ARID5B: variants seen among roughly 807,000 people sequenced by gnomAD.
ARID5B encodes AT-rich interactive domain-containing protein 5B.
Under a neutral mutation model 97.2 loss-of-function variants are expected in ARID5B, and 13 were observed. That is an observed-to-expected ratio of 0.13 (90% confidence interval 0.09 to 0.21). The LOEUF is 0.21. Among genes scored for constraint, ARID5B ranks in the 10% least tolerant of loss-of-function variants. The pLI is 1.00. For synonymous variants in ARID5B, 556 were observed against 570.3 expected (o/e 0.97, Z 0.36); for missense variants, 1,210 against 1,465.3 (o/e 0.83, Z 2.84).
At chr10:62,038,507 T>A (rs1589269229) in intron 4 of ARID5B, among the ~76,000 whole-genome samples, 1 of 152,236 alleles carries the variant, frequency 6.6e-6, no homozygotes, top group Non-Finnish European at 1.5e-5. Context: ...GCTTTTAAAA[T>A]GTGAGCATGA....
At chr10:61,913,796 G>A (rs1843849886) in intron 2 of ARID5B, among the ~76,000 whole-genome samples, 1 of 152,182 alleles carries the variant, frequency 6.6e-6, no homozygotes. Context: ...TTTTTGCCCA[G>A]GCTGGAGTAC....
intron 7 of ARID5B, among the ~76,000 whole-genome samples, chr10:62,067,368 C>A (rs142903307): frequency 2.0e-5 from 3 of 152,220 alleles, no homozygotes; most frequent in African/African-American, 7.2e-5. Context: ...TAGGCGTGAG[C>A]CACCATGCCC....
At chr10:62,042,214 G>A (rs1589270982) in intron 4 of ARID5B, among the ~76,000 whole-genome samples, 1 of 152,158 alleles carries the variant, frequency 6.6e-6, no homozygotes, top group Admixed American at 6.5e-5. Context: ...AATGAAAACA[G>A]GAGCTATTTC....
chr10:62,072,254 C>T lies in ARID5B; in HGVS notation c.1199+2457C>T, dbSNP rs572131860. Among the ~76,000 whole-genome samples, 12 of 152,290 alleles carry T rather than the reference C, an allele frequency of 7.9e-5. No homozygotes were observed. In the East Asian group the frequency reaches 1.7e-3, roughly 22 times the overall value. ...GGCTGCTGCCAGACCTCAGAGGACACGCGCTGAAACTGCTGGGGGACTGTT... is the reference window on the plus strand; with the variant it reads ...GGCTGCTGCCAGACCTCAGAGGACATGCGCTGAAACTGCTGGGGGACTGTT... On this transcript the variant is annotated intron_variant, in intron 8 of 9. Coordinates refer to ENST00000279873, the MANE Select transcript of ARID5B (RefSeq NM_032199.3).
intron 7 of ARID5B, among the ~76,000 whole-genome samples, chr10:62,068,482 C>T (rs953773762): frequency 2.0e-5 from 3 of 152,020 alleles, no homozygotes; most frequent in African/African-American, 7.3e-5. Flanking sequence ...CCACCTCCTC[C>T]TCCTCAGATT....
intron 4 of ARID5B, among the ~76,000 whole-genome samples, chr10:62,048,425 T>C (rs1839740556): frequency 6.6e-6 from 1 of 151,276 alleles, no homozygotes; most frequent in Non-Finnish European, 1.5e-5. Flanking sequence ...GAGGGGAGAG[T>C]AGGAGAGGAA....
intron 4 of ARID5B, among the ~76,000 whole-genome samples, chr10:62,015,330 T>C (rs10821942): frequency 0.087 from 13,243 of 152,240 alleles, 899 homozygotes; most frequent in African/African-American, 0.17. Context: ...AAAGCTGAAG[T>C]TCAGACCCGT....
intron 2 of ARID5B, among the ~76,000 whole-genome samples, chr10:61,924,940 C>T (rs951113401): frequency 2.0e-5 from 3 of 152,114 alleles, no homozygotes; most frequent in East Asian, 3.9e-4. Flanking sequence ...CATAGTGGCT[C>T]ATGCTTGTAT....
intron 9 of ARID5B, among the ~76,000 whole-genome samples, chr10:62,088,368 C>A (rs1840320421): frequency 6.6e-6 from 1 of 152,192 alleles, no homozygotes; most frequent in Non-Finnish European, 1.5e-5. Context: ...AAGGGGACAG[C>A]TGACCGTTGA....
intron 8 of ARID5B, among the ~76,000 whole-genome samples, chr10:62,080,164 A>C (rs7094734): frequency 0.024 from 3,641 of 152,166 alleles, 137 homozygotes; most frequent in African/African-American, 0.083. Context: ...CCAGACTTTC[A>C]GTTCACATCC....
intron 4 of ARID5B, among the ~76,000 whole-genome samples, chr10:62,012,805 A>G (rs1281610934): frequency 2.0e-5 from 3 of 152,234 alleles, no homozygotes; most frequent in Non-Finnish European, 2.9e-5. Flanking sequence ...CCATATTCTT[A>G]TAAACATTTT....
chr10:61,942,980 A>G (rs895800481), intron 3 of ARID5B, among the ~76,000 whole-genome samples: 6 of 152,194 alleles, frequency 3.9e-5, no homozygotes, highest in Non-Finnish European at 7.3e-5. Context: ...AAAAATTTTT[A>G]ATGTAAAATA....
At chr10:61,917,833 A>AAG (rs1843937510) in intron 2 of ARID5B, among the ~76,000 whole-genome samples, 1 of 152,166 alleles carries the variant, frequency 6.6e-6, no homozygotes, top group Admixed American at 6.5e-5. Context: ...GTGCAAGAAG[A>AAG]AGAGCTTGGC....
intron 2 of ARID5B, among the ~76,000 whole-genome samples, chr10:61,905,424 G>T (rs74156275): frequency 2.0e-3 from 305 of 149,340 alleles, no homozygotes; most frequent in African/African-American, 7.1e-3. Context: ...TCCCTGTGTG[G>T]TTTGCTGTGA....
At chr10:61,911,367 G>A (rs1843800729) in intron 2 of ARID5B, among the ~76,000 whole-genome samples, 1 of 152,110 alleles carries the variant, frequency 6.6e-6, no homozygotes, top group African/African-American at 2.4e-5. Context: ...GCTTAGGAGA[G>A]TAAAGCATAC....
intron 3 of ARID5B, among the ~76,000 whole-genome samples, chr10:61,990,572 T>G (rs1838910058): frequency 6.6e-6 from 1 of 152,140 alleles, no homozygotes; most frequent in African/African-American, 2.4e-5. Flanking sequence ...TTGTCAGCAC[T>G]CTCAAAGGTC....
At chr10:61,992,619 C>T (rs1475333429) in intron 3 of ARID5B, among the ~76,000 whole-genome samples, 1 of 151,960 alleles carries the variant, frequency 6.6e-6, no homozygotes, top group Admixed American at 6.6e-5. Context: ...TTTTTAAGTT[C>T]TCCAGTGATG....
chr10:61,943,971 C>T (rs149206807), intron 3 of ARID5B, among the ~76,000 whole-genome samples: 85 of 152,094 alleles, frequency 5.6e-4, no homozygotes, highest in African/African-American at 1.9e-3. Flanking sequence ...ATTTAAGACT[C>T]TTAATGGTTG....
At chr10:61,917,460 C>T (rs1366771866) in intron 2 of ARID5B, among the ~76,000 whole-genome samples, 1 of 152,120 alleles carries the variant, frequency 6.6e-6, no homozygotes, top group Non-Finnish European at 1.5e-5. Context: ...CGCTGAGTAG[C>T]TGGGATTACA....
Sources: gnomAD v4.1 joint callset for allele counts (sites outside exome capture counted in the v4.1 genomes callset) on GRCh38, gnomAD v4.1.1 for gene constraint, MANE v1.5 for transcripts, NCBI Gene and HGNC (gene_info 2026-07-23, HGNC 2026-07-21) for gene names.